The following PTK2B variants were observed in gnomAD, a reference collection of about 807,000 sequenced individuals.
PTK2B encodes protein-tyrosine kinase 2-beta.
In PTK2B, 71 loss-of-function variants were observed where a neutral mutation model predicts 142.9. That is an observed-to-expected ratio of 0.50 (90% CI 0.41 to 0.61). PTK2B has a LOEUF of 0.61. Ranked by LOEUF, PTK2B falls within the 20% of genes least tolerant of loss-of-function variation. The pLI, the probability that PTK2B is intolerant of heterozygous loss-of-function variation, is 0.00. For synonymous variants in PTK2B, 519 were observed against 503.4 expected (o/e 1.03, Z -0.42); for missense variants, 1,105 against 1,320.4 (o/e 0.84, Z 2.53).
chr8:27,384,121 A>G (rs1306602345), intron 1 of PTK2B, among the ~76,000 whole-genome samples: 6 of 152,030 alleles, frequency 3.9e-5, no homozygotes, highest in Non-Finnish European at 5.9e-5. Context: ...AAGTGCTGGG[A>G]TTACAGGCAT....
chr8:27,423,756 G>T (rs1809905569), intron 5 of PTK2B, among the ~76,000 whole-genome samples: 2 of 152,144 alleles, frequency 1.3e-5, no homozygotes, highest in South Asian at 4.1e-4. Flanking sequence ...CTCCGGTGGG[G>T]CCAGTAGGAT....
chr8:27,399,871 T>C (rs1247492476), intron 2 of PTK2B, among the ~76,000 whole-genome samples: 1 of 152,206 alleles, frequency 6.6e-6, no homozygotes. Context: ...TGGGACCTAA[T>C]GATTAACTGA....
intron 1 of PTK2B, among the ~76,000 whole-genome samples, chr8:27,367,770 A>G (rs1281368842): frequency 6.6e-6 from 1 of 152,170 alleles, no homozygotes; most frequent in African/African-American, 2.4e-5. Flanking sequence ...GCAAGATAGA[A>G]GCAGGGGAGG....
At chr8:27,447,613 T>C (rs960433628) in intron 24 of PTK2B, among the ~76,000 whole-genome samples, 18 of 152,124 alleles carry the variant, frequency 1.2e-4, no homozygotes, top group African/African-American at 4.3e-4. Context: ...AATCCCAGCA[T>C]TTTGGGAGGC....
chr8:27,316,408 A>T (rs1035747684), intron 3 of PTK2B, among the ~76,000 whole-genome samples: 2 of 152,220 alleles, frequency 1.3e-5, no homozygotes, highest in Non-Finnish European at 2.9e-5. Flanking sequence ...TAAGGAACTT[A>T]ACTTTAAATG....
chr8:27,363,626 C>G lies in PTK2B; in HGVS notation c.-37-33922C>G, dbSNP rs1273107429. On this transcript the variant is annotated intron_variant, in intron 1 of 30. Coordinates refer to ENST00000346049, the MANE Select transcript of PTK2B (RefSeq NM_173176.3). The surrounding 1 kb of genome is among the most constrained non-coding windows in gnomAD (Gnocchi z 4.3). ...GATTCTGATTTGGGTCTACCCCTGCCCTTCTTGCAAGTCCTCCTTTTTCTC... is the reference window on the plus strand; with the variant it reads ...GATTCTGATTTGGGTCTACCCCTGCGCTTCTTGCAAGTCCTCCTTTTTCTC... Among the ~76,000 whole-genome samples, 1 of 152,134 alleles carries G rather than the reference C, an allele frequency of 6.6e-6. No homozygotes were observed. Among genetic ancestry groups the G allele is most frequent in the Non-Finnish European group, 1.5e-5 (1 of 68,012 alleles).
Position 27,422,323 on chromosome 8 carries a change from A to G in PTK2B, c.491A>G (p.Gln164Arg). 1.2e-6 allele frequency: 2 copies of G among 1,613,708 alleles called. No homozygotes were observed. The highest frequency in any genetic ancestry group is 1.7e-6 in the Non-Finnish European group (2 of 1,179,790). Residue 164 changes from glutamine (Q) to arginine (R), a missense_variant, in exon 5 of 31, where the codon CAG becomes CGG. Gln to Arg is a conservative substitution (Grantham distance 43, BLOSUM62 1). Transcript: ENST00000346049. Reference sequence around the variant, plus strand: ...CACCAGCTCCGGAACGACTACATGCAGCGCTACGCCAGCAAGGTCAGCGAG... The same window carrying G: ...CACCAGCTCCGGAACGACTACATGCGGCGCTACGCCAGCAAGGTCAGCGAG... The part of the protein sequence containing the change: ...FYQQLRNDYM[Q>R]RYASKVSEGM...
chr8:27,371,545 T>TTATATATA (rs148359194), intron 1 of PTK2B, among the ~76,000 whole-genome samples: 41 of 147,486 alleles, frequency 2.8e-4, no homozygotes, highest in Middle Eastern at 3.7e-3. Flanking sequence ...TTTTTATTAT[T>TTATATATA]TATATATATA....
chr8:27,368,318 C>T (rs972538815), intron 1 of PTK2B, among the ~76,000 whole-genome samples: 1 of 152,156 alleles, frequency 6.6e-6, no homozygotes, highest in African/African-American at 2.4e-5. Flanking sequence ...TTTTGGCTCC[C>T]CCACCCTGCT....
At chr8:27,360,156 A>T (rs903160789) in intron 1 of PTK2B, among the ~76,000 whole-genome samples, 5 of 152,238 alleles carry the variant, frequency 3.3e-5, no homozygotes, top group African/African-American at 1.2e-4. Flanking sequence ...AAAATCATAC[A>T]TCCCCATGTT....
At position 27,405,035 on chromosome 8, in the gene PTK2B, CCTCT is replaced by C. The variant is rs3076734; in HGVS notation, c.204+7278_204+7281del. On this transcript the variant is annotated intron_variant, in intron 2 of 30. Coordinates refer to ENST00000346049, the MANE Select transcript of PTK2B (RefSeq NM_173176.3). Reference sequence around the variant, plus strand: ...CTCCCTCCCTTCCTCTCTTTCTCTTCCTCTCTCTCTCTCTCTCTCTCTCTCTCTC... The same window carrying C: ...CTCCCTCCCTTCCTCTCTTTCTCTTCCTCTCTCTCTCTCTCTCTCTCTCTC... 3.6e-3 allele frequency among the ~76,000 whole-genome samples: 432 copies of C among 119,608 alleles called. 1 individual carries two copies. The highest frequency in any genetic ancestry group is 9.6e-3 in the African/African-American group (277 of 28,952). 78.5% of individuals were successfully genotyped at this position (119,608 alleles called of 152,430 possible).
chr8:27,417,577 G>A (rs190237858), intron 2 of PTK2B, among the ~76,000 whole-genome samples: 2 of 152,274 alleles, frequency 1.3e-5, no homozygotes, highest in African/African-American at 4.8e-5. Flanking sequence ...GCATTTTAAT[G>A]TATAGAAATT....
upstream of PTK2B, chr8:27,322,554 A>C (rs148176903): frequency 6.6e-6 from 1 of 152,242 alleles, no homozygotes; most frequent in African/African-American, 2.4e-5. Context: ...CATTTCTAAA[A>C]ATTATAGCTA....
chr8:27,310,802 C>T (rs1222194276), upstream of PTK2B: 2 of 1,583,516 alleles, frequency 1.3e-6, no homozygotes, highest in Admixed American at 1.7e-5. Flanking sequence ...TGCTCTTACC[C>T]GAAAGTCGTG....
intron 1 of PTK2B, among the ~76,000 whole-genome samples, chr8:27,378,599 A>ATG (rs1209285139): frequency 8.1e-6 from 1 of 123,548 alleles, no homozygotes; most frequent in Non-Finnish European, 1.7e-5. Flanking sequence ...CTTACAGCTT[A>ATG]TCTGTGTGTG....
intron 1 of PTK2B, among the ~76,000 whole-genome samples, chr8:27,364,556 G>A (rs1054058986): frequency 2.0e-5 from 3 of 152,242 alleles, no homozygotes; most frequent in African/African-American, 7.2e-5. Flanking sequence ...GGAGGTGTGA[G>A]GCGGGGAGAC....
intron 14 of PTK2B, 111 bp downstream of exon 14, chr8:27,435,904 C>T (rs1301352363): frequency 2.6e-5 from 35 of 1,365,964 alleles, no homozygotes; most frequent in Admixed American, 1.5e-4. Flanking sequence ...ATCCTCCCTT[C>T]GTGCTAGACT....
At chr8:27,366,912 A>G (rs1173357731) in intron 1 of PTK2B, among the ~76,000 whole-genome samples, 1 of 152,036 alleles carries the variant, frequency 6.6e-6, no homozygotes, top group Non-Finnish European at 1.5e-5. Context: ...AATTGGACTG[A>G]GAAAACAGGA....
intron 13 of PTK2B, among the ~76,000 whole-genome samples, chr8:27,435,304 C>A (rs1318477779): frequency 6.6e-6 from 1 of 152,232 alleles, no homozygotes; most frequent in Non-Finnish European, 1.5e-5. Flanking sequence ...GGGGGCTCCA[C>A]GCTCAGGACT....
Sources: allele counts gnomAD v4.1 joint callset (sites outside exome capture counted in the v4.1 genomes callset), GRCh38; gene constraint gnomAD v4.1.1; non-coding constraint Gnocchi (gnomAD v3.1); transcripts MANE v1.5; gene names NCBI Gene and HGNC (gene_info 2026-07-23, HGNC 2026-07-21).